Variants in RBFOX1 observed in about 807,000 individuals in gnomAD.
RBFOX1 encodes RNA binding fox-1 homolog 1, also known as RNA binding protein fox-1 homolog 1.
In RBFOX1, 8 loss-of-function variants were observed where a neutral mutation model predicts 57.7. The ratio of observed to expected loss-of-function variants is 0.14; its 90% CI spans 0.08 to 0.25. The LOEUF is 0.25. Ranked by LOEUF, RBFOX1 falls within the 10% of genes least tolerant of loss-of-function variation. The pLI is 1.00. For synonymous variants in RBFOX1, 326 were observed against 222.4 expected, an observed-to-expected ratio of 1.47 and a Z score of -4.15; for missense variants, 611 against 548.5, an observed-to-expected ratio of 1.11 and a Z score of -1.14.
intron 1 of RBFOX1, among the ~76,000 whole-genome samples, chr16:6,280,994 T>A (rs529707759): frequency 6.2e-4 from 94 of 152,034 alleles, no homozygotes; most frequent in Non-Finnish European, 1.2e-3. Flanking sequence ...TATGTGTGTG[T>A]GTATATATGT....
intron 4 of RBFOX1, among the ~76,000 whole-genome samples, chr16:7,383,742 A>G (rs1203290616): frequency 1.3e-5 from 2 of 152,206 alleles, no homozygotes; most frequent in Admixed American, 6.5e-5. Context: ...TCCAAGTTAC[A>G]TCATACAAAG....
At chr16:5,966,495 T>C (rs1278303019) in intron 4 of RBFOX1, among the ~76,000 whole-genome samples, 1 of 152,122 alleles carries the variant, frequency 6.6e-6, no homozygotes, top group African/African-American at 2.4e-5. Flanking sequence ...TCTTACTCAG[T>C]CCCCCAGGCT....
intron 3 of RBFOX1, among the ~76,000 whole-genome samples, chr16:5,711,676 C>G (rs2051492910): frequency 6.6e-6 from 1 of 152,022 alleles, no homozygotes; most frequent in African/African-American, 2.4e-5. Flanking sequence ...GCCTTGCATG[C>G]CTTATTAAGA....
chr16:5,502,272 C>A (rs952660823), intron 2 of RBFOX1, among the ~76,000 whole-genome samples: 3 of 152,110 alleles, frequency 2.0e-5, no homozygotes, highest in Admixed American at 6.5e-5. Context: ...ATGCCTTTCA[C>A]CCCATGAAAT....
chr16:7,564,369 C>T (rs2091179105), intron 5 of RBFOX1, among the ~76,000 whole-genome samples: 1 of 151,666 alleles, frequency 6.6e-6, no homozygotes, highest in South Asian at 2.1e-4. Flanking sequence ...GAAACCTCCT[C>T]TCTACTAAAA....
In RBFOX1 at chr16:6,795,759, C is replaced by A. The variant is rs930133465; in HGVS notation, c.-16+141109C>A. ...CTAGCCTGGGTGACAGAGTGAAACT[C>A]CATCTAAAAATAAAAAATGAAAAAA... On this transcript the variant is annotated intron_variant, in intron 3 of 15. Coordinates refer to ENST00000550418, the MANE Select transcript of RBFOX1 (RefSeq NM_018723.4). Among the ~76,000 whole-genome samples, 5 of 146,480 alleles carry A rather than the reference C, an allele frequency of 3.4e-5. No individual in the cohort carries two copies. The Admixed American group carries it at 3.4e-4, about 10-fold the overall frequency.
At chr16:5,962,901 G>A (rs1478590270) in intron 4 of RBFOX1, among the ~76,000 whole-genome samples, 1 of 150,700 alleles carries the variant, frequency 6.6e-6, no homozygotes, top group Non-Finnish European at 1.5e-5. Flanking sequence ...ATATGATAGG[G>A]CTTATCTTTG....
intron 2 of RBFOX1, among the ~76,000 whole-genome samples, chr16:5,502,984 C>G (rs1238766616): frequency 6.6e-6 from 1 of 152,212 alleles, no homozygotes; most frequent in East Asian, 1.9e-4. Context: ...TTAGACGTGT[C>G]CAATACACAT....
chr16:6,865,084 C>T (rs1234469054), intron 3 of RBFOX1, among the ~76,000 whole-genome samples: 1 of 138,900 alleles, frequency 7.2e-6, no homozygotes, highest in Non-Finnish European at 1.5e-5. Context: ...CTCACTGCAA[C>T]CTCCGCCTCC....
At chr16:6,085,422 G>A (rs1167929157) in intron 1 of RBFOX1, among the ~76,000 whole-genome samples, 2 of 152,114 alleles carry the variant, frequency 1.3e-5, no homozygotes, top group Admixed American at 6.6e-5. Flanking sequence ...ACAGGTATGC[G>A]CCGCTATGCC....
intron 4 of RBFOX1, among the ~76,000 whole-genome samples, chr16:7,480,749 G>A (rs182801687): frequency 7.2e-5 from 11 of 152,298 alleles, no homozygotes; most frequent in Admixed American, 7.2e-4. Flanking sequence ...TGACTGCAAG[G>A]GGATGTGGGA....
intron 3 of RBFOX1, among the ~76,000 whole-genome samples, chr16:6,887,156 T>C (rs1348531841): frequency 3.3e-5 from 5 of 152,200 alleles, no homozygotes; most frequent in African/African-American, 1.2e-4. Context: ...TCTGCTGTTC[T>C]TCTTGTTATT....
At chr16:6,600,214 T>C (rs2097834566) in intron 2 of RBFOX1, among the ~76,000 whole-genome samples, 2 of 152,190 alleles carry the variant, frequency 1.3e-5, no homozygotes, top group African/African-American at 4.8e-5. Flanking sequence ...TTGAAATTAA[T>C]GGTGGTGCTG....
At chr16:7,537,042 T>C (rs2081634563) in intron 5 of RBFOX1, among the ~76,000 whole-genome samples, 1 of 152,172 alleles carries the variant, frequency 6.6e-6, no homozygotes, top group South Asian at 2.1e-4. Flanking sequence ...ATCTGGGGGC[T>C]TTGTACCATG....
intron 3 of RBFOX1, among the ~76,000 whole-genome samples, chr16:6,711,664 G>C (rs941021939): frequency 3.0e-4 from 46 of 152,158 alleles, no homozygotes; most frequent in African/African-American, 9.9e-4. Context: ...GTGTGGAACT[G>C]TGAATCAGTT....
chr16:5,275,812 CA>C (rs1470495422), intron 1 of RBFOX1, among the ~76,000 whole-genome samples: 1 of 152,202 alleles, frequency 6.6e-6, no homozygotes, highest in African/African-American at 2.4e-5. Flanking sequence ...GTGACCAAAA[CA>C]GCATGGTGCT....
intron 3 of RBFOX1, among the ~76,000 whole-genome samples, chr16:6,899,729 T>G (rs1315314404): frequency 1.3e-5 from 2 of 152,258 alleles, no homozygotes; most frequent in African/African-American, 2.4e-5. Context: ...CATGATGGTT[T>G]CATCTTGTGC....
intron 2 of RBFOX1, among the ~76,000 whole-genome samples, chr16:6,322,584 T>G (rs2081937923): frequency 6.6e-6 from 1 of 152,178 alleles, no homozygotes. Context: ...ATTTTCAACG[T>G]AGGAAGTTGA....
intron 4 of RBFOX1, among the ~76,000 whole-genome samples, chr16:7,129,787 C>T (rs2151950174): frequency 9.0e-6 from 1 of 110,922 alleles, no homozygotes; most frequent in African/African-American, 3.6e-5. Flanking sequence ...AGACATTTAT[C>T]ACACTGAAAA....
Sources: gnomAD v4.1 joint callset for allele counts (sites outside exome capture counted in the v4.1 genomes callset) on GRCh38, gnomAD v4.1.1 for gene constraint, MANE v1.5 for transcripts, NCBI Gene and HGNC (gene_info 2026-07-23, HGNC 2026-07-21) for gene names.